ZNF790: variants seen among roughly 807,000 people sequenced by gnomAD.
ZNF790 encodes the protein zinc finger protein 790.
Under a neutral mutation model 12.1 loss-of-function variants are expected in ZNF790, and 8 were observed. The ratio of observed to expected loss-of-function variants is 0.66; its 90% CI spans 0.39 to 1.19. The LOEUF is 1.19. ZNF790 is among the 50% of genes most tolerant of loss of function. The pLI is 0.01. For synonymous variants in ZNF790, 252 were observed against 244.3 expected, an observed-to-expected ratio of 1.03 and a Z score of -0.29; for missense variants, 707 against 752.2, an observed-to-expected ratio of 0.94 and a Z score of 0.70.
At chr19:36,839,525 A>T (rs1441247086), upstream of ZNF790, among the ~76,000 whole-genome samples, 1 of 151,982 alleles carries the variant, frequency 6.6e-6, no homozygotes, top group Non-Finnish European at 1.5e-5. Flanking sequence ...CTCAGCCTCC[A>T]GAATAGCTGG....
intron 3 of ZNF790, 56 bp downstream of exon 3, chr19:36,823,611 T>TA (rs1036396132): frequency 6.3e-5 from 100 of 1,578,482 alleles, no homozygotes; most frequent in South Asian, 8.2e-5. Flanking sequence ...TAAAAGACAA[T>TA]AAAAAAAATC....
At chr19:36,836,159 T>A (rs1042177829) in intron 1 of ZNF790, among the ~76,000 whole-genome samples, 1 of 152,096 alleles carries the variant, frequency 6.6e-6, no homozygotes, top group African/African-American at 2.4e-5. Flanking sequence ...TGCCTTGAAT[T>A]GGCTTAGGTA....
intron 1 of ZNF790, among the ~76,000 whole-genome samples, chr19:36,848,901 C>G (rs1173269824): frequency 2.6e-5 from 4 of 152,198 alleles, no homozygotes; most frequent in African/African-American, 9.7e-5. Flanking sequence ...TCAAGCCATT[C>G]TCCTGCGTCA....
intron 1 of ZNF790, among the ~76,000 whole-genome samples, chr19:36,836,988 T>C (rs2146081705): frequency 6.6e-6 from 1 of 152,174 alleles, no homozygotes; most frequent in East Asian, 1.9e-4. Context: ...GAGTCCATTC[T>C]TTGGGACGGG....
At position 36,818,530 on chromosome 19, in the gene ZNF790, G is replaced by A. The variant is rs775159352; in HGVS notation, c.1814C>T (p.Ala605Val). The change falls in exon 5 of 5, where the codon GCT becomes GTT. Residue 605 changes from alanine (A) to valine (V), a missense_variant. Physicochemically the swap from Ala to Val is moderately conservative, Grantham distance 64 (BLOSUM62 0). Coordinates refer to ENST00000356725, the MANE Select transcript of ZNF790 (RefSeq NM_206894.4). ...GNTFSHESNFAQHQNIYTFEK... is the reference protein window; with the variant it reads ...GNTFSHESNFVQHQNIYTFEK... The stretch of plus-strand genomic sequence containing the variant: ...AAAAGTGTAAATATTCTGGTGTTGA[G>A]CAAAGTTTGACTCATGACTAAAGGT... The A allele has an allele frequency of 1.2e-6, 2 of 1,603,016 alleles. No homozygotes were observed. Among genetic ancestry groups the A allele is most frequent in the South Asian group, 2.2e-5 (2 of 90,594 alleles).
intron 4 of ZNF790, among the ~76,000 whole-genome samples, chr19:36,820,988 G>A (rs2071657524): frequency 6.7e-6 from 1 of 148,552 alleles, no homozygotes; most frequent in Non-Finnish European, 1.5e-5. Context: ...ATGCTGGTGT[G>A]CTGCACCCAT....
intron 1 of ZNF790, among the ~76,000 whole-genome samples, chr19:36,848,412 C>T (rs972956102): frequency 6.6e-6 from 1 of 152,214 alleles, no homozygotes; most frequent in African/African-American, 2.4e-5. Context: ...ATTTCCCGGA[C>T]TACCCCACAG....
In ZNF790 at chr19:36,838,296, CCT is replaced by C. The variant is rs2072093325; in HGVS notation, c.-74+39_-74+40del. 1 of 152,372 alleles carries C rather than the reference CCT, an allele frequency of 6.6e-6. No homozygotes were observed. The highest frequency in any genetic ancestry group is 2.4e-5 in the African/African-American group (1 of 41,480). The allele number at this position is 152,372 out of a possible 1,614,324, so 9.4% of individuals were successfully genotyped here. ...ACTCCCCTCAGCCCCGGCCTCGGGCCCTCCGGAGTCATTCGGCTTCTGTGTCT... is the reference window on the plus strand; with the variant it reads ...ACTCCCCTCAGCCCCGGCCTCGGGCCCCGGAGTCATTCGGCTTCTGTGTCT... On this transcript the variant is annotated intron_variant, in intron 1 of 4. Coordinates refer to ENST00000356725, the MANE Select transcript of ZNF790 (RefSeq NM_206894.4). This position sits in a 1 kb window ranked among gnomAD's most constrained non-coding sequence, Gnocchi z 4.4.
intron 4 of ZNF790, among the ~76,000 whole-genome samples, chr19:36,821,048 CT>C (rs1241823481): frequency 1.6e-5 from 2 of 124,530 alleles, no homozygotes; most frequent in Non-Finnish European, 3.3e-5. Context: ...TCCCTCCCCC[CT>C]CCCCCCACTG....
intron 1 of ZNF790, among the ~76,000 whole-genome samples, chr19:36,831,999 C>T (rs1302241762): frequency 6.6e-6 from 1 of 152,068 alleles, no homozygotes; most frequent in Non-Finnish European, 1.5e-5. Context: ...GTACCCCAAA[C>T]AGTGGGGTAA....
At chr19:36,842,451 T>A (rs1355813292), upstream of ZNF790, among the ~76,000 whole-genome samples, 8 of 152,110 alleles carry the variant, frequency 5.3e-5, no homozygotes, top group Admixed American at 5.2e-4. Context: ...TTCTAGAATT[T>A]AAAAAATTAG....
At position 36,848,032 on chromosome 19, in the gene ZNF790, T is replaced by C. The variant is rs79690794; in HGVS notation, c.-74+1970A>G. ...CTGTGGGAAATAATTTTCTATTATT[T>C]ACAAATTACTTTTCAGGTATTTTGC... On this transcript the variant is annotated intron_variant, in intron 1 of 4. Transcript: ENST00000528994. Among the ~76,000 whole-genome samples, 114 of 152,358 alleles carry C rather than the reference T, an allele frequency of 7.5e-4. 1 individual carries two copies. The highest frequency in any genetic ancestry group is 2.6e-3 in the African/African-American group (109 of 41,590).
chr19:36,841,663 C>T (rs1250400816), upstream of ZNF790, among the ~76,000 whole-genome samples: 2 of 151,422 alleles, frequency 1.3e-5, no homozygotes, highest in South Asian at 2.1e-4. Flanking sequence ...AGGCGGATCA[C>T]CTAAGATCAG....
intron 4 of ZNF790, 50 bp downstream of exon 4, chr19:36,823,235 G>T: frequency 6.7e-7 from 1 of 1,501,064 alleles, no homozygotes; most frequent in Non-Finnish European, 9.3e-7. Context: ...GTGCAGCTGA[G>T]CTGTTATCCA....
Position 36,817,479 on chromosome 19 carries a change from C to T in ZNF790, c.*954G>A, listed in dbSNP as rs1045742939. The T allele has an allele frequency of 8.6e-5, 13 of 151,594 alleles. No individual in the cohort carries two copies. Among genetic ancestry groups the T allele is most frequent in the Admixed American group, 8.5e-4 (13 of 15,224 alleles). 9.4% of individuals were successfully genotyped at this position (151,594 alleles called of 1,614,324 possible). A position where few individuals can be genotyped will look rare whatever the true frequency, so the allele number is the denominator to read the frequency against. On this transcript the variant is annotated 3_prime_UTR_variant, in exon 5 of 5. Transcript: ENST00000356725. Reference sequence around the variant, plus strand: ...TTTTCAGAATTAACATTCTGATGTTCAGTAAGACATAAATAGAGATGACAT... The same window carrying T: ...TTTTCAGAATTAACATTCTGATGTTTAGTAAGACATAAATAGAGATGACAT...
intron 1 of ZNF790, among the ~76,000 whole-genome samples, chr19:36,827,141 C>CACATATATATATATAT (rs1313807327): frequency 3.6e-5 from 3 of 84,442 alleles, no homozygotes; most frequent in Admixed American, 2.8e-4. Flanking sequence ...CACACACACA[C>CACATATATATATATAT]ATATATATAT....
chr19:36,837,498 A>G (rs1023986492), intron 1 of ZNF790, among the ~76,000 whole-genome samples: 32 of 152,210 alleles, frequency 2.1e-4, no homozygotes, highest in African/African-American at 7.2e-4. Flanking sequence ...ATGAGATTGT[A>G]TATAACTCAC....
upstream of ZNF790, among the ~76,000 whole-genome samples, chr19:36,840,015 A>T (rs2072115918): frequency 6.6e-6 from 1 of 152,164 alleles, no homozygotes; most frequent in Non-Finnish European, 1.5e-5. Flanking sequence ...GTGAACCAAG[A>T]TCACACCACT....
In ZNF790 at chr19:36,819,117, A is replaced by G; in HGVS notation, c.1227T>C (p.Leu409=). Residue 409 remains leucine (L), a synonymous_variant, in exon 5 of 5, where the codon CTT becomes CTC. Coordinates refer to ENST00000356725, the MANE Select transcript of ZNF790 (RefSeq NM_206894.4). The stretch of plus-strand genomic sequence containing the variant: ...CAGTATGAATTCGCTGATGTCGAGC[A>G]AGGTGTGAGCTCCAAATATAGGCTT... ...CGKAYIWSSH[L]ARHQRIHTGR... 1 of 1,613,566 alleles carries G rather than the reference A, an allele frequency of 6.2e-7. No individual in the cohort carries two copies. The highest frequency in any genetic ancestry group is 1.1e-5 in the South Asian group (1 of 91,038).
Sources: gnomAD v4.1 joint callset for allele counts (sites outside exome capture counted in the v4.1 genomes callset) on GRCh38, gnomAD v4.1.1 for gene constraint, Gnocchi (gnomAD v3.1) non-coding constraint, MANE v1.5 for transcripts, NCBI Gene and HGNC (gene_info 2026-07-23, HGNC 2026-07-21) for gene names.